Variants in LIPK observed in about 807,000 individuals in gnomAD.
LIPK encodes the protein lipase member K.
LIPK carries 32 observed loss-of-function variants against 48.6 expected under a neutral mutation model. That is an observed-to-expected ratio of 0.66 (90% confidence interval 0.50 to 0.88). The LOEUF is 0.88. Among genes scored for constraint, LIPK ranks in the 40% least tolerant of loss-of-function variants. The pLI is 0.00. For synonymous variants in LIPK, 164 were observed against 157.4 expected (o/e 1.04, Z -0.32); for missense variants, 507 against 478.5 (o/e 1.06, Z -0.56).
At chr10:88,747,107 A>G (rs1842779563) in intron 9 of LIPK, among the ~76,000 whole-genome samples, 1 of 152,124 alleles carries the variant, frequency 6.6e-6, no homozygotes, top group African/African-American at 2.4e-5. Flanking sequence ...AAGTTCCAAA[A>G]CTGAATCAGT....
intron 6 of LIPK, among the ~76,000 whole-genome samples, chr10:88,734,545 G>A (rs1205981913): frequency 6.6e-6 from 1 of 152,142 alleles, no homozygotes; most frequent in Non-Finnish European, 1.5e-5. Flanking sequence ...TTTGCACAGG[G>A]GAATGACACG....
chr10:88,716,035 G>T (rs1419326724), intron 1 of LIPK, among the ~76,000 whole-genome samples: 8 of 151,808 alleles, frequency 5.3e-5, no homozygotes. Context: ...TTTCATTATG[G>T]TTTCTCAAAT....
chr10:88,727,924 G>A, intron 3 of LIPK: 3 of 365,078 alleles, frequency 8.2e-6, no homozygotes, highest in South Asian at 7.5e-5. Flanking sequence ...AGACAGCTGG[G>A]AGAACGTGGA....
intron 1 of LIPK, among the ~76,000 whole-genome samples, chr10:88,721,506 T>A (rs2134706568): frequency 6.6e-6 from 1 of 152,324 alleles, no homozygotes; most frequent in Admixed American, 6.5e-5. Flanking sequence ...CAGATCCATA[T>A]AACACAGGGG....
intron 1 of LIPK, among the ~76,000 whole-genome samples, chr10:88,717,672 C>T (rs1446098261): frequency 6.6e-6 from 1 of 152,182 alleles, no homozygotes; most frequent in Non-Finnish European, 1.5e-5. Context: ...GATGTACCAT[C>T]TGATCTACAG....
intron 7 of LIPK, among the ~76,000 whole-genome samples, chr10:88,739,696 G>C (rs1030283814): frequency 2.0e-5 from 3 of 151,652 alleles, no homozygotes; most frequent in Admixed American, 1.3e-4. Flanking sequence ...TCTACTAAAA[G>C]TACAAACACA....
chr10:88,730,734 G>A (rs193209415), intron 3 of LIPK, among the ~76,000 whole-genome samples: 2 of 152,238 alleles, frequency 1.3e-5, no homozygotes, highest in East Asian at 1.9e-4. Flanking sequence ...TTGAACTAGG[G>A]CAAACTAACT....
chr10:88,752,497 C>G lies in LIPK; in HGVS notation c.961-20C>G. Reference sequence around the variant, plus strand: ...TAATATTCTGTAAAAACTTTTCTCTCTCTCTTTTATTGTATTTAGCTTACA... The same window carrying G: ...TAATATTCTGTAAAAACTTTTCTCTGTCTCTTTTATTGTATTTAGCTTACA... On this transcript the variant is annotated intron_variant, in intron 9 of 9. Coordinates refer to ENST00000404190, the MANE Select transcript of LIPK (RefSeq NM_001080518.2). The G allele has an allele frequency of 6.6e-7, 1 of 1,515,452 alleles. No individual in the cohort carries two copies. Among genetic ancestry groups the G allele is most frequent in the Non-Finnish European group, 9.0e-7 (1 of 1,116,214 alleles). 93.9% of individuals were successfully genotyped at this position (1,515,452 alleles called of 1,614,324 possible).
chr10:88,710,404 A>G (rs954419089), intron 1 of LIPK, among the ~76,000 whole-genome samples: 1 of 152,218 alleles, frequency 6.6e-6, no homozygotes, highest in African/African-American at 2.4e-5. Context: ...GCTTTGCAAC[A>G]GTTTCCAGTT....
intron 9 of LIPK, among the ~76,000 whole-genome samples, chr10:88,744,326 C>T (rs1842732876): frequency 6.6e-6 from 1 of 152,266 alleles, no homozygotes; most frequent in Non-Finnish European, 1.5e-5. Flanking sequence ...CCCCTGACTG[C>T]TTTGCAAGCA....
At chr10:88,733,712 T>C (rs1431735013) in intron 6 of LIPK, among the ~76,000 whole-genome samples, 1 of 152,220 alleles carries the variant, frequency 6.6e-6, no homozygotes, top group Admixed American at 6.5e-5. Context: ...GATGGTGAGA[T>C]CTTTCCATTC....
intron 9 of LIPK, among the ~76,000 whole-genome samples, chr10:88,750,062 A>C: frequency 6.6e-6 from 1 of 152,204 alleles, no homozygotes; most frequent in East Asian, 1.9e-4. Context: ...AAAATGGTCA[A>C]TATCAATAAT....
chr10:88,744,107 A>G (rs931991680), intron 9 of LIPK, among the ~76,000 whole-genome samples: 4 of 152,162 alleles, frequency 2.6e-5, no homozygotes, highest in Admixed American at 2.6e-4. Context: ...TACCCACGGG[A>G]CAGGGCCAGT....
intron 4 of LIPK, 94 bp downstream of exon 4, chr10:88,731,275 C>A (rs1170868933): frequency 9.8e-7 from 1 of 1,020,310 alleles, no homozygotes; most frequent in Non-Finnish European, 1.4e-6. Context: ...TGTCCAAATG[C>A]ACCCAATGGA....
intron 6 of LIPK, among the ~76,000 whole-genome samples, chr10:88,734,984 AC>A (rs1842543296): frequency 1.3e-5 from 2 of 151,888 alleles, no homozygotes; most frequent in Non-Finnish European, 2.9e-5. Context: ...TCTGATTAGC[AC>A]TTCCTTTTCA....
rs749080257 is a variant in LIPK at position 88,707,473 on chromosome 10, GC to G, written c.-12+1154del. Among the ~76,000 whole-genome samples the G allele has an allele frequency of 5.9e-5, 9 of 152,118 alleles. No individual in the cohort carries two copies. The East Asian group carries it at 7.7e-4, about 13-fold the overall frequency. ...AATCTTTCAGACCCTATTTTACCAG[GC>G]AGGACAAGTGTTTTGTCCTTCATAT... is the stretch of plus-strand genomic sequence containing the variant. On this transcript the variant is annotated intron_variant, in intron 1 of 9. Transcript: ENST00000404190.
intron 1 of LIPK, among the ~76,000 whole-genome samples, chr10:88,710,242 A>C (rs572497994): frequency 2.6e-5 from 4 of 152,154 alleles, no homozygotes; most frequent in Non-Finnish European, 4.4e-5. Flanking sequence ...ATCCCTCTCC[A>C]AGTTGAGAAT....
intron 8 of LIPK, among the ~76,000 whole-genome samples, 158 bp downstream of exon 8, chr10:88,740,225 C>T (rs1347523687): frequency 6.6e-6 from 1 of 152,158 alleles, no homozygotes; most frequent in African/African-American, 2.4e-5. Context: ...TTACTTCATT[C>T]CCATTTCTTC....
At chr10:88,729,258 G>GC (rs1163141629) in intron 3 of LIPK, among the ~76,000 whole-genome samples, 4 of 110,074 alleles carry the variant, frequency 3.6e-5, no homozygotes, top group African/African-American at 6.7e-5. Context: ...CTGTTGGGGG[G>GC]GGGGGGCGGG....
Sources: gnomAD v4.1 joint callset for allele counts (sites outside exome capture counted in the v4.1 genomes callset) on GRCh38, gnomAD v4.1.1 for gene constraint, MANE v1.5 for transcripts, NCBI Gene and HGNC (gene_info 2026-07-23, HGNC 2026-07-21) for gene names.